The following EMID1 variants were observed in gnomAD, a reference collection of about 807,000 sequenced individuals.
EMID1 encodes EMI domain-containing protein 1.
A neutral mutation model predicts 60.6 loss-of-function variants in EMID1; 40 were observed. That is an observed-to-expected ratio of 0.66 (90% CI 0.51 to 0.86). The LOEUF (loss-of-function observed/expected upper bound fraction) is 0.86, where lower values mean the gene tolerates loss of function less well. Among genes scored for constraint, EMID1 ranks in the 40% least tolerant of loss-of-function variants. EMID1 has a pLI of 0.00. For missense variants in EMID1, 585 were observed against 597.1 expected (o/e 0.98, Z 0.21); for synonymous variants, 242 against 231.0 (o/e 1.05, Z -0.43).
intron 14 of EMID1, 123 bp from the exon 15 acceptor site, chr22:29,258,694 T>C (rs940570344): frequency 7.0e-6 from 10 of 1,425,178 alleles, no homozygotes; most frequent in Non-Finnish European, 9.3e-6. Flanking sequence ...TGCAGCCAGA[T>C]ACCAGGGTGG....
chr22:29,226,702 C>G, intron 5 of EMID1, 151 bp downstream of exon 5: 1 of 714,458 alleles, frequency 1.4e-6, no homozygotes, highest in Non-Finnish European at 2.2e-6. Context: ...CGGCGAGCAG[C>G]ATCCCCTGTC....
At chr22:29,252,580 G>C (rs2041567901) in intron 13 of EMID1, among the ~76,000 whole-genome samples, 1 of 152,176 alleles carries the variant, frequency 6.6e-6, no homozygotes, top group African/African-American at 2.4e-5. Flanking sequence ...GCGTTGTCAA[G>C]ACTATGGACC....
intron 5 of EMID1, among the ~76,000 whole-genome samples, chr22:29,227,006 C>G (rs917504149): frequency 3.3e-5 from 5 of 152,112 alleles, no homozygotes; most frequent in African/African-American, 1.2e-4. Context: ...CCCCCAACCC[C>G]CATCCATAAT....
chr22:29,244,906 G>T (rs1250190373), intron 13 of EMID1, among the ~76,000 whole-genome samples: 1 of 152,018 alleles, frequency 6.6e-6, no homozygotes, highest in Non-Finnish European at 1.5e-5. Flanking sequence ...GCTCTTTTTG[G>T]CGGTGGGGGG....
chr22:29,216,261 A>G, intron 3 of EMID1: 1 of 976,200 alleles, frequency 1.0e-6, no homozygotes, highest in Non-Finnish European at 1.2e-6. Flanking sequence ...CAGAGGAGGC[A>G]GCCTGGGCCT....
chr22:29,212,042 G>A (rs2039906011), intron 1 of EMID1, among the ~76,000 whole-genome samples: 1 of 152,018 alleles, frequency 6.6e-6, no homozygotes, highest in Non-Finnish European at 1.5e-5. Context: ...CTGGAGTGCA[G>A]TGGCACGATC....
At chr22:29,216,513 C>T in intron 3 of EMID1, 1 of 985,484 alleles carries the variant, frequency 1.0e-6, no homozygotes, top group Non-Finnish European at 1.2e-6. Flanking sequence ...TCAGGGCCCC[C>T]ACAGCAGCAC....
At chr22:29,215,365 G>A (rs539499829) in intron 2 of EMID1, 162 bp from the exon 3 acceptor site, 1 of 880,272 alleles carries the variant, frequency 1.1e-6, no homozygotes. Flanking sequence ...GTGGTGGGGG[G>A]ATGGAAGGGC....
At chr22:29,228,921 G>A (rs2040628396) in intron 5 of EMID1, among the ~76,000 whole-genome samples, 1 of 151,928 alleles carries the variant, frequency 6.6e-6, no homozygotes, top group Non-Finnish European at 1.5e-5. Flanking sequence ...ATTATCAGAT[G>A]CAAAAATGTT....
chr22:29,223,476 G>C lies in EMID1; in HGVS notation c.320-1657G>C, dbSNP rs576953213. Among the ~76,000 whole-genome samples, 5 of 152,324 alleles carry C rather than the reference G, an allele frequency of 3.3e-5. No homozygotes were observed. In the South Asian group the frequency reaches 1.0e-3, roughly 32 times the overall value. The stretch of plus-strand genomic sequence containing the variant: ...CCTGGAAGCAGAAAGAATGAAGAGG[G>C]CTTGGTGAGACTGTTCTTCTCAGGC... On this transcript the variant is annotated intron_variant, in intron 3 of 14. Transcript: ENST00000334018.
rs574099745 is a variant in EMID1 at position 29,220,384 on chromosome 22, C to G, written c.320-4749C>G. Among the ~76,000 whole-genome samples the G allele has an allele frequency of 9.8e-5, 15 of 152,346 alleles. No individual in the cohort carries two copies. The East Asian group carries it at 2.7e-3, about 27-fold the overall frequency. On this transcript the variant is annotated intron_variant, in intron 3 of 14. Coordinates refer to ENST00000334018, the MANE Select transcript of EMID1 (RefSeq NM_133455.4). ...GACATAGACTAAGCCTTCCTGGAGG[C>G]TCCTGATTGGGCTGGAGAGTTTTTG...
At chr22:29,236,465 G>T (rs183404109) in intron 12 of EMID1, among the ~76,000 whole-genome samples, 1 of 152,020 alleles carries the variant, frequency 6.6e-6, no homozygotes, top group East Asian at 1.9e-4. Flanking sequence ...TGGAGGCAGG[G>T]GGATCACCTG....
In EMID1 at chr22:29,214,907, C is replaced by G. The variant is rs1441737900; in HGVS notation, c.102-19C>G. The G allele has an allele frequency of 3.3e-6, 5 of 1,498,194 alleles. No individual in the cohort carries two copies. In the South Asian group the frequency reaches 5.1e-5, roughly 15 times the overall value. 92.8% of individuals were successfully genotyped at this position (1,498,194 alleles called of 1,614,324 possible). ...ACCCTGTGTGGTACCTGAGTTTCCT[C>G]TCTTTGGGTCTGTTTCAGGAACTGG... is the stretch of plus-strand genomic sequence containing the variant. On this transcript the variant is annotated intron_variant, in intron 1 of 14. Transcript: ENST00000334018.
intron 5 of EMID1, among the ~76,000 whole-genome samples, chr22:29,228,964 G>T (rs1038740455): frequency 1.3e-5 from 2 of 152,222 alleles, no homozygotes; most frequent in Admixed American, 1.3e-4. Context: ...CCAGGCAAAA[G>T]AAGGCATGGT....
At chr22:29,227,262 T>A (rs1054976753) in intron 5 of EMID1, among the ~76,000 whole-genome samples, 9 of 152,146 alleles carry the variant, frequency 5.9e-5, no homozygotes, top group African/African-American at 2.2e-4. Context: ...AGCTAATTTT[T>A]AAATTTTTGG....
At chr22:29,233,036 A>G (rs1568989684) in intron 8 of EMID1, 1 of 313,002 alleles carries the variant, frequency 3.2e-6, no homozygotes, top group Non-Finnish European at 6.0e-6. Flanking sequence ...GCTGCGTAAC[A>G]TCCATGTACA....
intron 3 of EMID1, among the ~76,000 whole-genome samples, chr22:29,220,070 A>T (rs2040235465): frequency 6.6e-6 from 1 of 151,544 alleles, no homozygotes. Flanking sequence ...CCCAGCCAAC[A>T]TGGCTGCCTC....
At position 29,215,557 on chromosome 22, in the gene EMID1, G is replaced by A; in HGVS notation, c.246G>A (p.Lys82=). 1 of 1,614,104 alleles carries A rather than the reference G, an allele frequency of 6.2e-7. No individual in the cohort carries two copies. Among genetic ancestry groups the A allele is most frequent in the South Asian group, 1.1e-5 (1 of 91,084 alleles). The change falls in exon 3 of 15, where the codon AAG becomes AAA. Residue 82 remains lysine, a synonymous_variant. Transcript: ENST00000334018. ...SYRTVVRPTY[K]VMYKIVTARE... is the part of the protein sequence containing the mutation. ...GAACTGTGGTGAGACCCACATACAA[G>A]GTGATGTACAAGATAGTGACCGCCC...
intron 12 of EMID1, among the ~76,000 whole-genome samples, chr22:29,235,822 C>G (rs1251566331): frequency 1.4e-5 from 1 of 70,434 alleles, no homozygotes; most frequent in Admixed American, 2.4e-4. Context: ...CAGGGTCTTT[C>G]TCTGTCACCC....
Sources: allele counts gnomAD v4.1 joint callset (sites outside exome capture counted in the v4.1 genomes callset), GRCh38; gene constraint gnomAD v4.1.1; transcripts MANE v1.5; gene names NCBI Gene and HGNC (gene_info 2026-07-23, HGNC 2026-07-21).